The following CNIH3 variants were observed in gnomAD, a reference collection of about 807,000 sequenced individuals.
CNIH3 encodes the protein protein cornichon homolog 3.
CNIH3 carries 14 observed loss-of-function variants against 24.1 expected under a neutral mutation model. The ratio of observed to expected loss-of-function variants is 0.58; its 90% CI spans 0.38 to 0.91. The LOEUF (loss-of-function observed/expected upper bound fraction) is 0.91. CNIH3 is among the 40% of genes least tolerant of loss of function. The pLI is 0.00. For missense variants in CNIH3, 178 were observed against 196.8 expected (o/e 0.90, Z 0.57); for synonymous variants, 68 against 73.8 (o/e 0.92, Z 0.40).
intron 1 of CNIH3, among the ~76,000 whole-genome samples, chr1:224,498,586 A>T (rs1365975802): frequency 6.6e-6 from 1 of 152,196 alleles, no homozygotes; most frequent in African/African-American, 2.4e-5. Context: ...TTCTTATGAA[A>T]CTAAAAAATT....
chr1:224,505,683 G>A (rs1425577437), intron 1 of CNIH3, among the ~76,000 whole-genome samples: 1 of 152,220 alleles, frequency 6.6e-6, no homozygotes, highest in African/African-American at 2.4e-5. Flanking sequence ...TCAGACTCAG[G>A]TCTGTTTGAC....
chr1:224,732,804 C>T (rs979182521), intron 4 of CNIH3, among the ~76,000 whole-genome samples: 12 of 152,116 alleles, frequency 7.9e-5, no homozygotes, highest in African/African-American at 2.2e-4. Context: ...AGCCAGTGTC[C>T]GTAGACTAGG....
At chr1:224,569,994 G>A (rs1029443804) in intron 4 of CNIH3, among the ~76,000 whole-genome samples, 2 of 152,012 alleles carry the variant, frequency 1.3e-5, no homozygotes, top group African/African-American at 4.8e-5. Flanking sequence ...ATGTTGGCCA[G>A]GCTGGTCTTG....
At chr1:224,589,451 C>T (rs1047253012), downstream of CNIH3, among the ~76,000 whole-genome samples, 2 of 152,160 alleles carry the variant, frequency 1.3e-5, no homozygotes, top group African/African-American at 4.8e-5. Context: ...TATGTGCAGG[C>T]AAAACTGATT....
chr1:224,568,421 G>C (rs905328732), intron 4 of CNIH3, among the ~76,000 whole-genome samples: 3 of 152,064 alleles, frequency 2.0e-5, no homozygotes, highest in African/African-American at 4.8e-5. Flanking sequence ...GTTTTGATTA[G>C]ATATTGAGAA....
chr1:224,569,030 G>A (rs922612287), intron 4 of CNIH3, among the ~76,000 whole-genome samples: 9 of 152,062 alleles, frequency 5.9e-5, no homozygotes, highest in Admixed American at 2.0e-4. Context: ...GTGCCACCAC[G>A]CCTGGCTTTG....
At chr1:224,539,464 A>C (rs1228610760), downstream of CNIH3, among the ~76,000 whole-genome samples, 1 of 152,044 alleles carries the variant, frequency 6.6e-6, no homozygotes, top group Non-Finnish European at 1.5e-5. Flanking sequence ...ACTTTTCTTC[A>C]TTGTTGCATG....
intron 1 of CNIH3, among the ~76,000 whole-genome samples, chr1:224,474,105 C>T (rs1676471513): frequency 6.6e-6 from 1 of 152,150 alleles, no homozygotes. Context: ...TGGCTCATGC[C>T]TGTAATCCCA....
At chr1:224,700,806 G>T in intron 3 of CNIH3, among the ~76,000 whole-genome samples, 1 of 152,190 alleles carries the variant, frequency 6.6e-6, no homozygotes, top group East Asian at 1.9e-4. Flanking sequence ...CTCAACACAT[G>T]TTGGACAGGG....
At chr1:224,563,481 G>A (rs1001622800) in intron 3 of CNIH3, among the ~76,000 whole-genome samples, 3 of 151,808 alleles carry the variant, frequency 2.0e-5, no homozygotes, top group African/African-American at 7.3e-5. Flanking sequence ...GTGTGTGTGT[G>A]TGTGTGTGTG....
intron 3 of CNIH3, among the ~76,000 whole-genome samples, chr1:224,723,026 TAC>T (rs535120579): frequency 9.3e-4 from 141 of 152,270 alleles, no homozygotes; most frequent in African/African-American, 3.1e-3. Flanking sequence ...CTGCACAGGG[TAC>T]AGCTGGCGGT....
chr1:224,585,657 T>C (rs1040750965), intron 5 of CNIH3, among the ~76,000 whole-genome samples: 2 of 151,266 alleles, frequency 1.3e-5, no homozygotes, highest in African/African-American at 4.8e-5. Flanking sequence ...AAAAACTTTT[T>C]TTTTTTTGTA....
intron 1 of CNIH3, among the ~76,000 whole-genome samples, chr1:224,647,213 C>T (rs1684649285): frequency 6.6e-6 from 1 of 152,124 alleles, no homozygotes; most frequent in Non-Finnish European, 1.5e-5. Flanking sequence ...GAACTCCTGG[C>T]CTCAAGTGAT....
At chr1:224,464,571 G>GA (rs1427885121) in intron 1 of CNIH3, among the ~76,000 whole-genome samples, 12 of 152,040 alleles carry the variant, frequency 7.9e-5, no homozygotes, top group Non-Finnish European at 1.2e-4. Flanking sequence ...ACTATTTCTT[G>GA]AAAAAACTAT....
chr1:224,435,275 G>C (rs1383971535), intron 1 of CNIH3: 4 of 941,330 alleles, frequency 4.2e-6, no homozygotes, highest in Admixed American at 6.2e-5. Flanking sequence ...TGGTAACCAG[G>C]ACCGAAATCG....
rs1161170534 is a variant in CNIH3 at position 224,638,775 on chromosome 1, T to C, written c.81+21520T>C. On this transcript the variant is annotated intron_variant, in intron 1 of 5. Transcript: ENST00000272133. Reference sequence around the variant, plus strand: ...CATGATACTCCGTCTTATCTTCTCATGATCCTGCTCTAGGACCTCACATTA... The same window carrying C: ...CATGATACTCCGTCTTATCTTCTCACGATCCTGCTCTAGGACCTCACATTA... Among the ~76,000 whole-genome samples, 3 of 152,260 alleles carry C rather than the reference T, an allele frequency of 2.0e-5. No individual in the cohort carries two copies. The East Asian group carries it at 5.8e-4, about 29-fold the overall frequency.
chr1:224,585,183 C>T (rs1681446102), intron 5 of CNIH3, among the ~76,000 whole-genome samples: 1 of 152,166 alleles, frequency 6.6e-6, no homozygotes, highest in Admixed American at 6.6e-5. Flanking sequence ...TGCACTTGCC[C>T]TTTGTTCATA....
chr1:224,616,260 G>C, upstream of CNIH3: 1 of 173,802 alleles, frequency 5.8e-6, no homozygotes, highest in Non-Finnish European at 1.2e-5. Flanking sequence ...AGCGGAACAG[G>C]AGTCGAGGGT....
chr1:224,657,751 TC>T, intron 1 of CNIH3, among the ~76,000 whole-genome samples: 1 of 152,296 alleles, frequency 6.6e-6, no homozygotes, highest in Non-Finnish European at 1.5e-5. Context: ...AGAGTCCTTT[TC>T]ATGAACTCCC....
Sources: allele counts gnomAD v4.1 joint callset (sites outside exome capture counted in the v4.1 genomes callset), GRCh38; gene constraint gnomAD v4.1.1; transcripts MANE v1.5; gene names NCBI Gene and HGNC (gene_info 2026-07-23, HGNC 2026-07-21).